The following ERP44 variants were observed in gnomAD, a reference collection of about 807,000 sequenced individuals.
ERP44 encodes endoplasmic reticulum resident protein 44.
In ERP44, 25 loss-of-function variants were observed where a neutral mutation model predicts 53.4. The ratio of observed to expected loss-of-function variants is 0.47; its 90% CI spans 0.34 to 0.65. The LOEUF (loss-of-function observed/expected upper bound fraction) is 0.65, where lower values mean the gene tolerates loss of function less well. Ranked by LOEUF, ERP44 falls within the 30% of genes least tolerant of loss-of-function variation. ERP44 has a pLI of 0.01. For synonymous variants in ERP44, 145 were observed against 161.2 expected (o/e 0.90, Z 0.76); for missense variants, 338 against 493.2 (o/e 0.69, Z 2.98).
At chr9:100,096,396 T>C (rs999417325) in intron 1 of ERP44, among the ~76,000 whole-genome samples, 2 of 151,494 alleles carry the variant, frequency 1.3e-5, no homozygotes, top group Non-Finnish European at 2.9e-5. Flanking sequence ...TAGACGCAAA[T>C]AAATATATAT....
At chr9:100,009,843 G>A (rs1055612945) in intron 8 of ERP44, among the ~76,000 whole-genome samples, 5 of 152,040 alleles carry the variant, frequency 3.3e-5, no homozygotes, top group African/African-American at 4.8e-5. Context: ...ATTTTCTTTA[G>A]TACTTCTGCT....
intron 4 of ERP44, among the ~76,000 whole-genome samples, chr9:100,024,538 G>A (rs923722097): frequency 1.3e-5 from 2 of 150,772 alleles, no homozygotes; most frequent in African/African-American, 4.9e-5. Context: ...AAATGGAGAG[G>A]TCAGGGATGA....
At chr9:100,016,492 ATTC>A (rs1830527196) in intron 7 of ERP44, 54 bp from the exon 8 acceptor site, 2 of 1,512,774 alleles carry the variant, frequency 1.3e-6, no homozygotes, top group Admixed American at 4.7e-5. Flanking sequence ...GCAAAAGTAT[ATTC>A]TTATTTTTTT....
chr9:99,999,142 T>G, intron 10 of ERP44: 3 of 567,236 alleles, frequency 5.3e-6, no homozygotes, highest in East Asian at 6.2e-5. Context: ...TGTACCGCGC[T>G]GGGAGGCCAG....
At chr9:100,070,850 T>TC (rs1269523012) in intron 1 of ERP44, among the ~76,000 whole-genome samples, 1 of 151,496 alleles carries the variant, frequency 6.6e-6, no homozygotes, top group African/African-American at 2.4e-5. Context: ...TCATTTGGCC[T>TC]CCCCCCAGAA....
chr9:100,036,725 A>G (rs1161391552), intron 4 of ERP44, among the ~76,000 whole-genome samples: 1 of 152,178 alleles, frequency 6.6e-6, no homozygotes, highest in Non-Finnish European at 1.5e-5. Context: ...GAACTAGAGG[A>G]CATTATGTTA....
chr9:100,021,961 G>T, intron 5 of ERP44, 81 bp downstream of exon 5: 1 of 1,256,970 alleles, frequency 8.0e-7, no homozygotes, highest in Non-Finnish European at 1.1e-6. Context: ...ATAGGAGAAT[G>T]TCCAGATTTT....
At chr9:100,091,975 A>G (rs1035376795) in intron 1 of ERP44, among the ~76,000 whole-genome samples, 1 of 152,174 alleles carries the variant, frequency 6.6e-6, no homozygotes, top group African/African-American at 2.4e-5. Context: ...TTATATATAT[A>G]TCTTCTCTCC....
chr9:100,027,793 A>G (rs1389470756), intron 4 of ERP44, among the ~76,000 whole-genome samples: 2 of 152,158 alleles, frequency 1.3e-5, no homozygotes, highest in Admixed American at 1.3e-4. Context: ...CAGAAAATAC[A>G]AAGAGGCAGA....
intron 10 of ERP44, among the ~76,000 whole-genome samples, chr9:100,000,592 C>T (rs1004980505): frequency 1.3e-5 from 2 of 152,058 alleles, no homozygotes; most frequent in Admixed American, 6.5e-5. Flanking sequence ...TTTAGATTTT[C>T]TGTTTCATGA....
chr9:100,014,226 T>C (rs762104701), intron 8 of ERP44, among the ~76,000 whole-genome samples: 4 of 152,224 alleles, frequency 2.6e-5, no homozygotes, highest in Non-Finnish European at 5.9e-5. Flanking sequence ...CAAATCTGAC[T>C]TGCTGCCTGA....
At chr9:100,063,075 C>CCA (rs1178978077) in intron 1 of ERP44, among the ~76,000 whole-genome samples, 1 of 40,084 alleles carries the variant, frequency 2.5e-5, no homozygotes, top group Non-Finnish European at 4.2e-5. Flanking sequence ...CCCTGTCTCA[C>CCA]AAAAAAAAAA....
chr9:99,988,675 C>A (rs2118602188), intron 10 of ERP44, among the ~76,000 whole-genome samples: 1 of 152,274 alleles, frequency 6.6e-6, no homozygotes, highest in Middle Eastern at 3.4e-3. Context: ...CTCACTGGGA[C>A]TGGTTGGACA....
At chr9:100,088,426 T>C (rs1826511017) in intron 1 of ERP44, among the ~76,000 whole-genome samples, 1 of 152,192 alleles carries the variant, frequency 6.6e-6, no homozygotes, top group Non-Finnish European at 1.5e-5. Context: ...GAAATCCAAA[T>C]GACTAACTCC....
At chr9:100,068,524 G>T (rs1398663757) in intron 1 of ERP44, among the ~76,000 whole-genome samples, 1 of 131,130 alleles carries the variant, frequency 7.6e-6, no homozygotes, top group Non-Finnish European at 1.6e-5. Context: ...GGAGGTGGGG[G>T]TTCAGCCCCC....
rs1272390710 is a variant in ERP44, at chr9:99,979,390, G to C, written c.*3222C>G. On this transcript the variant is annotated 3_prime_UTR_variant, in exon 12 of 12. Transcript: ENST00000262455. ...ATAAATTTAAGCTTATTGTGAGCTT[G>C]AACATTTCAAACACTTCTATATTTC... is the stretch of plus-strand genomic sequence containing the variant. The C allele has an allele frequency of 6.7e-6, 1 of 150,294 alleles. No individual in the cohort carries two copies. The highest frequency in any genetic ancestry group is 2.4e-5 in the African/African-American group (1 of 40,992). The allele number at this position is 150,294 out of a possible 1,614,324, so 9.3% of individuals were successfully genotyped here.
chr9:99,998,550 A>T (rs1830340813), intron 10 of ERP44: 11 of 725,642 alleles, frequency 1.5e-5, no homozygotes, highest in Admixed American at 1.2e-4. Flanking sequence ...CGCCTTCTGG[A>T]AAGCCAGTCA....
intron 1 of ERP44, among the ~76,000 whole-genome samples, chr9:100,091,987 C>T (rs1310638538): frequency 6.6e-6 from 1 of 152,182 alleles, no homozygotes; most frequent in South Asian, 2.1e-4. Context: ...CTTCTCTCCT[C>T]ATCTGAATTA....
chr9:100,000,492 GA>G (rs1830365082), intron 10 of ERP44, among the ~76,000 whole-genome samples: 1 of 148,570 alleles, frequency 6.7e-6, no homozygotes, highest in Non-Finnish European at 1.5e-5. Flanking sequence ...GTTTTAGAAA[GA>G]ATGGTCATCA....
Sources: gnomAD v4.1 joint callset for allele counts (sites outside exome capture counted in the v4.1 genomes callset) on GRCh38, gnomAD v4.1.1 for gene constraint, MANE v1.5 for transcripts, NCBI Gene and HGNC (gene_info 2026-07-23, HGNC 2026-07-21) for gene names.